Variants in STOX2 observed in about 807,000 individuals in gnomAD.
STOX2 encodes the protein storkhead-box protein 2.
STOX2 carries 28 observed loss-of-function variants against 60.9 expected under a neutral mutation model. The observed-to-expected ratio is 0.46, with a 90% CI of 0.34 to 0.63. The LOEUF is 0.63. STOX2 is among the 30% of genes least tolerant of loss of function. STOX2 has a pLI of 0.01. For synonymous variants in STOX2, 472 were observed against 463.9 expected, an observed-to-expected ratio of 1.02 and a Z score of -0.22; for missense variants, 1,024 against 1,187.7, an observed-to-expected ratio of 0.86 and a Z score of 2.03.
intron 1 of STOX2, among the ~76,000 whole-genome samples, chr4:183,880,369 G>A (rs1223912744): frequency 1.3e-5 from 2 of 151,802 alleles, no homozygotes; most frequent in African/African-American, 2.4e-5. Flanking sequence ...TCAGTTATTA[G>A]ACGATTTGAT....
intron 1 of STOX2, among the ~76,000 whole-genome samples, chr4:183,887,746 A>C (rs1741117100): frequency 6.6e-6 from 1 of 152,152 alleles, no homozygotes; most frequent in African/African-American, 2.4e-5. Flanking sequence ...TAAAAAATTT[A>C]TTATTTTGTT....
intron 1 of STOX2, among the ~76,000 whole-genome samples, chr4:183,992,789 T>C (rs558832325): frequency 6.6e-6 from 1 of 152,346 alleles, no homozygotes; most frequent in East Asian, 1.9e-4. Flanking sequence ...GCCTTGCCTC[T>C]TCTTGTTTAT....
chr4:183,887,096 T>TA (rs565893657), intron 1 of STOX2, among the ~76,000 whole-genome samples: 354 of 151,896 alleles, frequency 2.3e-3, no homozygotes, highest in African/African-American at 8.0e-3. Context: ...CTGTCTCTCC[T>TA]AAAAATGCAA....
intron 1 of STOX2, among the ~76,000 whole-genome samples, chr4:183,855,662 G>A (rs568391635): frequency 1.2e-4 from 18 of 152,188 alleles, no homozygotes; most frequent in African/African-American, 4.1e-4. Context: ...TTCAAAATGT[G>A]TATGTAAGCA....
At chr4:183,838,307 A>G (rs989751465) in intron 1 of STOX2, among the ~76,000 whole-genome samples, 1 of 151,280 alleles carries the variant, frequency 6.6e-6, no homozygotes, top group African/African-American at 2.4e-5. Flanking sequence ...ATATATTGAA[A>G]TACTTAAATA....
At chr4:183,907,068 A>C in intron 1 of STOX2, 112 bp downstream of exon 1, 1 of 945,244 alleles carries the variant, frequency 1.1e-6, no homozygotes, top group Non-Finnish European at 1.5e-6. Context: ...GCGATAAGTT[A>C]TGGGGAAAGC....
intron 1 of STOX2, among the ~76,000 whole-genome samples, chr4:183,831,464 C>A (rs1739566292): frequency 6.6e-6 from 1 of 150,936 alleles, no homozygotes; most frequent in Non-Finnish European, 1.5e-5. Context: ...AGTTCATGAA[C>A]ATTAGAAAAC....
At chr4:183,828,930 G>A (rs1739497510) in intron 1 of STOX2, among the ~76,000 whole-genome samples, 1 of 152,168 alleles carries the variant, frequency 6.6e-6, no homozygotes, top group Non-Finnish European at 1.5e-5. Flanking sequence ...CAGACCTGGT[G>A]CTGCAGACAC....
At chr4:183,923,730 G>A (rs548005994) in intron 1 of STOX2, among the ~76,000 whole-genome samples, 1 of 152,306 alleles carries the variant, frequency 6.6e-6, no homozygotes, top group East Asian at 1.9e-4. Context: ...TTAAAATGTA[G>A]TGAAGAGCTT....
intron 2 of STOX2, among the ~76,000 whole-genome samples, chr4:184,003,077 A>C (rs1047869908): frequency 2.6e-5 from 4 of 152,254 alleles, no homozygotes; most frequent in Non-Finnish European, 5.9e-5. Context: ...AGAGAAACAG[A>C]ATCCCAGGTG....
rs559923697 is a variant in STOX2, at chr4:183,948,778, C to T, written c.166+41822C>T. The stretch of plus-strand genomic sequence containing the variant: ...AACTCGTGACCTCAGGTGATTCACC[C>T]GCCTCAGCCTCCCAAAGTGCTGGGA... On this transcript the variant is annotated intron_variant, in intron 1 of 3. Transcript: ENST00000308497. 1.1e-4 allele frequency among the ~76,000 whole-genome samples: 16 copies of T among 152,032 alleles called. 1 individual carries two copies. In the South Asian group the frequency reaches 3.3e-3, roughly 32 times the overall value.
intron 1 of STOX2, among the ~76,000 whole-genome samples, chr4:183,818,816 T>C (rs1040503296): frequency 6.7e-6 from 1 of 148,634 alleles, no homozygotes; most frequent in Non-Finnish European, 1.5e-5. Context: ...GAGGGGCTCC[T>C]CACCTCCCAG....
intron 1 of STOX2, among the ~76,000 whole-genome samples, chr4:183,844,428 A>T (rs1366604128): frequency 6.6e-6 from 1 of 152,068 alleles, no homozygotes; most frequent in Admixed American, 6.5e-5. Flanking sequence ...CTTTTATATT[A>T]AAAATATTTT....
chr4:183,935,041 G>C (rs1742548018), intron 1 of STOX2, among the ~76,000 whole-genome samples: 1 of 152,256 alleles, frequency 6.6e-6, no homozygotes, highest in Admixed American at 6.5e-5. Context: ...GCAAAGTTCA[G>C]TTTGTTCCAT....
chr4:183,943,883 A>C (rs1420587357), intron 1 of STOX2, among the ~76,000 whole-genome samples: 1 of 152,218 alleles, frequency 6.6e-6, no homozygotes, highest in East Asian at 1.9e-4. Flanking sequence ...TCTCAAAGAA[A>C]AAAAGAAAAA....
chr4:184,022,484 T>C lies in STOX2; in HGVS notation c.*5200T>C, dbSNP rs1472411826. On this transcript the variant is annotated 3_prime_UTR_variant, in exon 4 of 4. Coordinates refer to ENST00000308497, the MANE Select transcript of STOX2 (RefSeq NM_020225.3). ...AACTAAACTTTCTTACGATTGTACA[T>C]GATCAGTTATAGGGCTGTAATCATT... is the stretch of plus-strand genomic sequence containing the variant. 6.6e-6 allele frequency: 1 copy of C among 152,214 alleles called. No individual in the cohort carries two copies. Among genetic ancestry groups the C allele is most frequent in the East Asian group, 1.9e-4 (1 of 5,188 alleles). The allele number at this position is 152,214 out of a possible 1,614,324, so 9.4% of individuals were successfully genotyped here.
At chr4:183,968,082 T>C (rs75216931) in intron 1 of STOX2, among the ~76,000 whole-genome samples, 1,642 of 152,112 alleles carry the variant, frequency 0.011, 40 homozygotes, top group African/African-American at 0.038. Context: ...ACAAAGGGAG[T>C]TGGGGAATGG....
At chr4:183,892,341 C>G (rs894328577) in intron 1 of STOX2, among the ~76,000 whole-genome samples, 13 of 152,136 alleles carry the variant, frequency 8.5e-5, no homozygotes, top group East Asian at 1.9e-4. Flanking sequence ...TGCAGTGGCG[C>G]GATCTCGGCT....
rs1734053952 is a variant in STOX2, at chr4:184,009,730, C to T, written c.892C>T (p.Arg298Ter). The T allele has an allele frequency of 1.2e-6, 2 of 1,613,584 alleles. No individual in the cohort carries two copies. The highest frequency in any genetic ancestry group is 1.7e-6 in the Non-Finnish European group (2 of 1,179,780). The change falls in exon 3 of 4, where the codon CGA (arginine) becomes TGA (stop). Residue 298 changes from arginine (R) to a stop codon, truncating the protein, a stop_gained. Coordinates refer to ENST00000308497, the MANE Select transcript of STOX2 (RefSeq NM_020225.3). LOFTEE classifies it high-confidence loss of function. This position sits in a 1 kb window ranked among gnomAD's most constrained non-coding sequence, Gnocchi z 4.0. ...GTTTCCTCCTGAAGAGTGGCCCCTG[C>T]GAGACGAGGACACGCCAGCTACGAT... The part of the protein sequence containing the change: ...AQFPPEEWPL[R>*]DEDTPATIPR...
Sources: allele counts gnomAD v4.1 joint callset (sites outside exome capture counted in the v4.1 genomes callset), GRCh38; gene constraint gnomAD v4.1.1; non-coding constraint Gnocchi (gnomAD v3.1); transcripts MANE v1.5; gene names NCBI Gene and HGNC (gene_info 2026-07-23, HGNC 2026-07-21).